Variants in GREB1L observed in about 807,000 individuals in gnomAD.
GREB1L encodes GREB1 like retinoic acid receptor coactivator.
Under a neutral mutation model 200.8 loss-of-function variants are expected in GREB1L, and 17 were observed. The ratio of observed to expected loss-of-function variants is 0.08; its 90% confidence interval spans 0.06 to 0.13. The LOEUF is 0.13. GREB1L is among the 10% of genes least tolerant of loss of function. The pLI is 1.00. For synonymous variants in GREB1L, 789 were observed against 893.0 expected, an observed-to-expected ratio of 0.88 and a Z score of 2.08; for missense variants, 1,657 against 2,367.7, an observed-to-expected ratio of 0.70 and a Z score of 6.23.
In GREB1L at chr18:21,409,556, G is replaced by T. The variant is rs180747737; in HGVS notation, c.832+5562G>T. 1.1e-4 allele frequency among the ~76,000 whole-genome samples: 16 copies of T among 152,292 alleles called. No homozygotes were observed. The East Asian group carries it at 2.9e-3, about 28-fold the overall frequency. Reference sequence around the variant, plus strand: ...ATGCCTCAATTAAGCTAGAAAAATAGATTAAAAAGCTGCTCTGAGAAAATT... The same window carrying T: ...ATGCCTCAATTAAGCTAGAAAAATATATTAAAAAGCTGCTCTGAGAAAATT... On this transcript the variant is annotated intron_variant, in intron 7 of 32. Coordinates refer to ENST00000424526, the MANE Select transcript of GREB1L (RefSeq NM_001142966.3).
chr18:21,300,464 C>T (rs1471631430), intron 1 of GREB1L, among the ~76,000 whole-genome samples: 1 of 152,176 alleles, frequency 6.6e-6, no homozygotes, highest in East Asian at 1.9e-4. Flanking sequence ...TGCTCCAAAG[C>T]CAGTTTTGTG....
chr18:21,368,072 AG>A (rs2039741337), intron 2 of GREB1L, among the ~76,000 whole-genome samples: 1 of 152,236 alleles, frequency 6.6e-6, no homozygotes, highest in African/African-American at 2.4e-5. Context: ...CAATGTATAT[AG>A]TAAGGGAAGA....
At chr18:21,411,293 G>T (rs369199739) in intron 7 of GREB1L, among the ~76,000 whole-genome samples, 1 of 151,392 alleles carries the variant, frequency 6.6e-6, no homozygotes, top group African/African-American at 2.4e-5. Flanking sequence ...TGCAAGCCCC[G>T]CCTCCCGGGT....
At chr18:21,436,484 A>T (rs906174317) in intron 7 of GREB1L, among the ~76,000 whole-genome samples, 3 of 152,014 alleles carry the variant, frequency 2.0e-5, no homozygotes, top group Non-Finnish European at 2.9e-5. Flanking sequence ...AGATAAAAAA[A>T]TTAGCTGGGT....
chr18:21,260,374 G>A (rs2037869882), intron 1 of GREB1L, among the ~76,000 whole-genome samples: 1 of 151,866 alleles, frequency 6.6e-6, no homozygotes, highest in Non-Finnish European at 1.5e-5. Context: ...TCAGAGAAAA[G>A]AAGATACATA....
chr18:21,477,282 C>T lies in GREB1L; in HGVS notation c.2482C>T (p.Pro828Ser). 2 of 1,551,696 alleles carry T rather than the reference C, an allele frequency of 1.3e-6. No individual in the cohort carries two copies. Among genetic ancestry groups the T allele is most frequent in the Non-Finnish European group, 1.7e-6 (2 of 1,146,950 alleles). ...CCTGGTGCTCCAGGTCAGCTCCTTC[C>T]CATACACTCTGCAGACCCAACAGTC... ...NLLVLQVSSFPYTLQTQQSRI... is the reference protein window; with the variant it reads ...NLLVLQVSSFSYTLQTQQSRI... Residue 828 changes from proline to serine, a missense_variant, in exon 17 of 33, where the codon CCA becomes TCA. Pro to Ser is a moderately conservative substitution (Grantham distance 74, BLOSUM62 -1). Transcript: ENST00000424526.
intron 21 of GREB1L, 99 bp downstream of exon 21, chr18:21,496,797 T>C (rs561280960): frequency 1.5e-6 from 2 of 1,360,482 alleles, no homozygotes; most frequent in South Asian, 1.5e-5. Flanking sequence ...CCCAACGGCC[T>C]TCAGAGGAGC....
chr18:21,514,608 C>T (rs959061619), intron 28 of GREB1L, among the ~76,000 whole-genome samples: 1 of 152,170 alleles, frequency 6.6e-6, no homozygotes, highest in Non-Finnish European at 1.5e-5. Flanking sequence ...AGCCCCAACT[C>T]TGTTTTTTGT....
intron 7 of GREB1L, among the ~76,000 whole-genome samples, chr18:21,418,804 C>T (rs917456484): frequency 2.6e-5 from 4 of 152,182 alleles, no homozygotes; most frequent in African/African-American, 9.7e-5. Context: ...GGATTACCAG[C>T]GTGCACCACT....
At chr18:21,287,840 G>A (rs2038382241) in intron 1 of GREB1L, among the ~76,000 whole-genome samples, 1 of 150,356 alleles carries the variant, frequency 6.7e-6, no homozygotes, top group Non-Finnish European at 1.5e-5. Context: ...TGTTGCCCAG[G>A]CTGGAGAGCA....
intron 1 of GREB1L, among the ~76,000 whole-genome samples, chr18:21,278,623 A>G (rs1200922348): frequency 1.3e-5 from 2 of 152,064 alleles, no homozygotes; most frequent in African/African-American, 4.8e-5. Flanking sequence ...TGAAGTCAGA[A>G]TACTAATCCT....
At chr18:21,383,389 A>T in intron 2 of GREB1L, 121 bp from the exon 3 acceptor site, 2 of 710,516 alleles carry the variant, frequency 2.8e-6, no homozygotes, top group Non-Finnish European at 4.3e-6. Context: ...GGTAGTTCAT[A>T]TATTTCACAT....
intron 1 of GREB1L, among the ~76,000 whole-genome samples, chr18:21,364,996 C>T (rs989602981): frequency 2.6e-5 from 4 of 151,720 alleles, no homozygotes; most frequent in African/African-American, 4.8e-5. Flanking sequence ...TATGTGTGGG[C>T]GGGTGGGATA....
At chr18:21,451,863 A>G (rs1211918999) in intron 13 of GREB1L, among the ~76,000 whole-genome samples, 1 of 152,130 alleles carries the variant, frequency 6.6e-6, no homozygotes, top group African/African-American at 2.4e-5. Flanking sequence ...GAGATACAAC[A>G]TGTGAAAGCA....
intron 1 of GREB1L, among the ~76,000 whole-genome samples, chr18:21,353,462 A>G (rs896124764): frequency 6.6e-6 from 1 of 152,066 alleles, no homozygotes; most frequent in Non-Finnish European, 1.5e-5. Flanking sequence ...TATTATATAT[A>G]TAATAGACAT....
intron 12 of GREB1L, among the ~76,000 whole-genome samples, chr18:21,450,188 C>G (rs541509526): frequency 1.3e-5 from 2 of 152,104 alleles, no homozygotes; most frequent in South Asian, 4.1e-4. Context: ...GCCAGTTAAT[C>G]GAATTTGCCA....
rs1206541096 is a variant in GREB1L, at chr18:21,439,555, G to C, written c.867G>C (p.Lys289Asn). ...ATGGAAACAGTAGCCATGGAGGGAA[G>C]GGCAGTGCATCCAGCTCCACTCCAG... Reference protein sequence around the residue: ...AANGNSSHGGKGSASSSTPAH... With the variant: ...AANGNSSHGGNGSASSSTPAH... Residue 289 changes from lysine (K) to asparagine (N), a missense_variant, in exon 8 of 33, where the codon AAG becomes AAC. By Grantham distance (94) the Lys-to-Asn change is moderately conservative (BLOSUM62 0). Coordinates refer to ENST00000424526, the MANE Select transcript of GREB1L (RefSeq NM_001142966.3). 6.4e-7 allele frequency: 1 copy of C among 1,550,582 alleles called. No individual in the cohort carries two copies. The highest frequency in any genetic ancestry group is 8.7e-7 in the Non-Finnish European group (1 of 1,145,820).
intron 6 of GREB1L, among the ~76,000 whole-genome samples, chr18:21,403,550 A>G (rs946323225): frequency 6.6e-6 from 1 of 152,210 alleles, no homozygotes; most frequent in Non-Finnish European, 1.5e-5. Flanking sequence ...GTTTTCATAA[A>G]TTACTAATGT....
chr18:21,457,964 G>GTTTTT (rs11414940), intron 15 of GREB1L, among the ~76,000 whole-genome samples: 1 of 117,864 alleles, frequency 8.5e-6, no homozygotes, highest in Non-Finnish European at 1.7e-5. Flanking sequence ...AGCAAGGACA[G>GTTTTT]TTTTTTTTTT....
Sources: allele counts gnomAD v4.1 joint callset (sites outside exome capture counted in the v4.1 genomes callset), GRCh38; gene constraint gnomAD v4.1.1; transcripts MANE v1.5; gene names NCBI Gene and HGNC (gene_info 2026-07-23, HGNC 2026-07-21).